MAGI2: variants seen among roughly 807,000 people sequenced by gnomAD.
MAGI2 encodes membrane-associated guanylate kinase, WW and PDZ domain-containing protein 2.
Under a neutral mutation model 133.3 loss-of-function variants are expected in MAGI2, and 35 were observed. That is an observed-to-expected ratio of 0.26 (90% CI 0.20 to 0.35). MAGI2 has a LOEUF of 0.35. MAGI2 is among the 10% of genes least tolerant of loss of function. The pLI, the probability that MAGI2 is intolerant of heterozygous loss-of-function variation, is 1.00. For missense variants in MAGI2, 1,636 were observed against 1,863.4 expected, an observed-to-expected ratio of 0.88 and a Z score of 2.25; for synonymous variants, 729 against 710.6, an observed-to-expected ratio of 1.03 and a Z score of -0.41.
chr7:78,063,479 C>T (rs544830606), intron 21 of MAGI2, among the ~76,000 whole-genome samples: 5 of 152,240 alleles, frequency 3.3e-5, no homozygotes, highest in East Asian at 1.9e-4. Context: ...TGGCCTCAAG[C>T]GATCCTCCTG....
intron 1 of MAGI2, among the ~76,000 whole-genome samples, chr7:79,081,622 G>A (rs903360006): frequency 6.6e-6 from 1 of 152,050 alleles, no homozygotes; most frequent in African/African-American, 2.4e-5. Flanking sequence ...CAATTATCTT[G>A]GATATGAACT....
At chr7:78,601,442 T>C (rs998095341) in intron 3 of MAGI2, among the ~76,000 whole-genome samples, 12 of 152,208 alleles carry the variant, frequency 7.9e-5, no homozygotes, top group African/African-American at 2.9e-4. Flanking sequence ...GCATTCTTTC[T>C]GAACTTCGCA....
chr7:78,180,608 G>C (rs1827097667), intron 13 of MAGI2, among the ~76,000 whole-genome samples: 1 of 152,070 alleles, frequency 6.6e-6, no homozygotes, highest in African/African-American at 2.4e-5. Flanking sequence ...TGCTCTTCTT[G>C]CACATTTTGG....
chr7:78,534,359 T>G (rs189043922), intron 3 of MAGI2, among the ~76,000 whole-genome samples: 320 of 152,348 alleles, frequency 2.1e-3, no homozygotes, highest in Non-Finnish European at 3.6e-3. Flanking sequence ...TGCATGTGGT[T>G]TAACCACAAG....
At chr7:79,063,874 GCCAC>G (rs776999694) in intron 1 of MAGI2, among the ~76,000 whole-genome samples, 71 of 151,952 alleles carry the variant, frequency 4.7e-4, no homozygotes, top group Non-Finnish European at 8.8e-4. Context: ...TTCTTATAAA[GCCAC>G]AATTTACTTA....
chr7:78,794,130 T>G (rs571478689), intron 2 of MAGI2, among the ~76,000 whole-genome samples: 1 of 152,334 alleles, frequency 6.6e-6, no homozygotes, highest in Non-Finnish European at 1.5e-5. Context: ...TTATATCCTT[T>G]TTATCCCTTT....
intron 2 of MAGI2, among the ~76,000 whole-genome samples, chr7:78,642,872 C>T (rs1810453725): frequency 6.6e-6 from 1 of 152,168 alleles, no homozygotes; most frequent in African/African-American, 2.4e-5. Context: ...GGCTTCTAAG[C>T]AATGGTGCAC....
intron 1 of MAGI2, among the ~76,000 whole-genome samples, chr7:79,184,215 A>G (rs2129550541): frequency 6.6e-6 from 1 of 151,812 alleles, no homozygotes; most frequent in East Asian, 1.9e-4. Flanking sequence ...TTATTCTATA[A>G]TGTACACATA....
chr7:78,073,728 G>A (rs1585019901), intron 21 of MAGI2, among the ~76,000 whole-genome samples: 1 of 152,206 alleles, frequency 6.6e-6, no homozygotes, highest in South Asian at 2.1e-4. Context: ...GCTAATGAAG[G>A]AAGCCTGCAT....
chr7:78,366,699 A>C (rs1431835498), intron 7 of MAGI2, among the ~76,000 whole-genome samples: 1 of 152,184 alleles, frequency 6.6e-6, no homozygotes, highest in Non-Finnish European at 1.5e-5. Flanking sequence ...ATGTTTATGA[A>C]GTTTTTCAAG....
chr7:78,578,350 G>A lies in MAGI2; in HGVS notation c.538+48770C>T, dbSNP rs1239011136. The stretch of plus-strand genomic sequence containing the variant: ...ATAAAGGACAATGTACATAGTACAT[G>A]TATATTACATAGAGCAAATGGAAAC... On this transcript the variant is annotated intron_variant, in intron 3 of 21. Coordinates refer to ENST00000354212, the MANE Select transcript of MAGI2 (RefSeq NM_012301.4). Among the ~76,000 whole-genome samples the A allele has an allele frequency of 1.3e-5, 2 of 152,058 alleles. 1 individual carries two copies. Among genetic ancestry groups the A allele is most frequent in the Non-Finnish European group, 2.9e-5 (2 of 68,010 alleles).
intron 6 of MAGI2, among the ~76,000 whole-genome samples, chr7:78,449,720 C>T (rs915637496): frequency 1.3e-5 from 2 of 152,018 alleles, no homozygotes; most frequent in African/African-American, 4.8e-5. Context: ...CTTCCTAATA[C>T]TTCATTACAA....
intron 6 of MAGI2, among the ~76,000 whole-genome samples, chr7:78,479,663 T>C (rs1437381533): frequency 1.3e-5 from 2 of 151,938 alleles, no homozygotes; most frequent in African/African-American, 2.4e-5. Flanking sequence ...AAATGATAGA[T>C]TTTATTTTAA....
chr7:78,996,552 A>G (rs189900606), intron 2 of MAGI2, among the ~76,000 whole-genome samples: 25 of 152,190 alleles, frequency 1.6e-4, no homozygotes, highest in Admixed American at 1.6e-3. Context: ...AAAGTAACTA[A>G]TGGATACTGG....
chr7:78,055,580 C>T (rs3779323), intron 21 of MAGI2, among the ~76,000 whole-genome samples: 99,850 of 152,008 alleles, frequency 0.66, 32,815 homozygotes, highest in East Asian at 0.71. Context: ...AATAAACCAC[C>T]GACACCTCCC....
chr7:78,846,279 T>A (rs1450079875), intron 2 of MAGI2, among the ~76,000 whole-genome samples: 1 of 151,932 alleles, frequency 6.6e-6, no homozygotes, highest in Non-Finnish European at 1.5e-5. Flanking sequence ...AATATGCCTT[T>A]TTCAAAGTGG....
At chr7:78,866,752 G>A (rs1794591170) in intron 2 of MAGI2, among the ~76,000 whole-genome samples, 1 of 151,976 alleles carries the variant, frequency 6.6e-6, no homozygotes, top group African/African-American at 2.4e-5. Context: ...AGATAGTTGA[G>A]GAAGACTCCA....
At chr7:78,943,087 C>A (rs1801119753) in intron 2 of MAGI2, among the ~76,000 whole-genome samples, 1 of 151,956 alleles carries the variant, frequency 6.6e-6, no homozygotes, top group African/African-American at 2.4e-5. Context: ...TCTTAGTATA[C>A]TAATTTGTAA....
intron 2 of MAGI2, among the ~76,000 whole-genome samples, chr7:78,712,673 G>A (rs1819313593): frequency 6.6e-6 from 1 of 152,058 alleles, no homozygotes; most frequent in Non-Finnish European, 1.5e-5. Context: ...TCAGAATCCA[G>A]CAATCATATC....
Sources: gnomAD v4.1 joint callset for allele counts (sites outside exome capture counted in the v4.1 genomes callset) on GRCh38, gnomAD v4.1.1 for gene constraint, MANE v1.5 for transcripts, NCBI Gene and HGNC (gene_info 2026-07-23, HGNC 2026-07-21) for gene names.